The following DPP10 variants were observed in gnomAD, a reference collection of about 807,000 sequenced individuals.
DPP10 encodes the protein inactive dipeptidyl peptidase 10.
DPP10 carries 33 observed loss-of-function variants against 120.9 expected under a neutral mutation model. That is an observed-to-expected ratio of 0.27 (90% CI 0.21 to 0.37). The LOEUF (loss-of-function observed/expected upper bound fraction) is 0.37, where lower values mean the gene tolerates loss of function less well. Among genes scored for constraint, DPP10 ranks in the 10% least tolerant of loss-of-function variants. DPP10 has a pLI of 1.00. For missense variants in DPP10, 816 were observed against 942.8 expected (o/e 0.87, Z 1.76); for synonymous variants, 337 against 326.1 (o/e 1.03, Z -0.36).
rs549816279 is a variant in DPP10 at position 115,032,846 on chromosome 2, T to C, written c.61-276393T>C. 6.0e-5 allele frequency among the ~76,000 whole-genome samples: 9 copies of C among 150,536 alleles called. No homozygotes were observed. The South Asian group carries it at 8.4e-4, about 14-fold the overall frequency. On this transcript the variant is annotated intron_variant, in intron 1 of 25. Coordinates refer to ENST00000410059, the MANE Select transcript of DPP10 (RefSeq NM_020868.6). ...GTTGCAATGAGCTGAGATCGCGCCA[T>C]TGTACTCCAGCCTGGGAGACAGAGC... is the stretch of plus-strand genomic sequence containing the variant.
chr2:115,145,046 A>C (rs1443633165), intron 1 of DPP10: 2 of 152,064 alleles, frequency 1.3e-5, no homozygotes, highest in Admixed American at 6.6e-5. Flanking sequence ...ACAGGAAGAA[A>C]AATTTGCACT....
intron 1 of DPP10, among the ~76,000 whole-genome samples, chr2:115,174,748 C>T (rs2053584695): frequency 6.6e-6 from 1 of 152,140 alleles, no homozygotes; most frequent in Admixed American, 6.5e-5. Context: ...ATTGTGCAAT[C>T]TGGGCCTACA....
At chr2:115,524,770 G>A (rs1332684902) in intron 4 of DPP10, among the ~76,000 whole-genome samples, 1 of 152,072 alleles carries the variant, frequency 6.6e-6, no homozygotes, top group Non-Finnish European at 1.5e-5. Context: ...GCATGAAATC[G>A]AATAAAGTGC....
intron 1 of DPP10, among the ~76,000 whole-genome samples, chr2:115,292,602 C>T (rs1212502441): frequency 1.3e-5 from 2 of 152,074 alleles, no homozygotes; most frequent in Admixed American, 6.6e-5. Context: ...TGCTGCTTGC[C>T]AAATCCTTGC....
chr2:114,842,471 A>G (rs1337394399), intron 1 of DPP10, among the ~76,000 whole-genome samples: 1 of 152,138 alleles, frequency 6.6e-6, no homozygotes. Context: ...AAAGAGACCC[A>G]TCAAGATGCA....
chr2:114,708,166 T>C (rs537305970), intron 1 of DPP10, among the ~76,000 whole-genome samples: 1 of 152,308 alleles, frequency 6.6e-6, no homozygotes, highest in Admixed American at 6.5e-5. Context: ...GAATCCATGC[T>C]GAGTCAGTTC....
At chr2:114,611,800 G>A (rs1693307542) in intron 1 of DPP10, among the ~76,000 whole-genome samples, 1 of 152,126 alleles carries the variant, frequency 6.6e-6, no homozygotes. Flanking sequence ...GTTCATGTCA[G>A]CATTGTATGA....
At chr2:115,268,704 T>A (rs1030424303) in intron 1 of DPP10, among the ~76,000 whole-genome samples, 1 of 152,230 alleles carries the variant, frequency 6.6e-6, no homozygotes, top group Non-Finnish European at 1.5e-5. Flanking sequence ...ATTTCTATGC[T>A]ATGGATATTT....
intron 3 of DPP10, among the ~76,000 whole-genome samples, chr2:115,455,851 A>G (rs1000514903): frequency 2.6e-5 from 4 of 152,174 alleles, no homozygotes; most frequent in African/African-American, 9.7e-5. Context: ...TAAGACTAAA[A>G]ACCATAAAAA....
chr2:115,672,595 CTTGA>C lies in DPP10; in HGVS notation c.442-17084_442-17081del, dbSNP rs571980980. Among the ~76,000 whole-genome samples, 33 of 151,908 alleles carry C rather than the reference CTTGA, an allele frequency of 2.2e-4. No individual in the cohort carries two copies. The East Asian group carries it at 6.2e-3, about 28-fold the overall frequency. On this transcript the variant is annotated intron_variant, in intron 5 of 25. Transcript: ENST00000410059. ...TGTCCCTGATGCTTTCGTTTCCTTC[CTTGA>C]TTGATTGTCATCATGGCGCCCCTTC...
chr2:114,584,103 C>A (rs889541054), intron 1 of DPP10, among the ~76,000 whole-genome samples: 38 of 152,132 alleles, frequency 2.5e-4, no homozygotes, highest in Non-Finnish European at 4.4e-5. Flanking sequence ...TTTCGAAAAG[C>A]ATGAAATTTC....
At chr2:115,062,132 G>C (rs1304500888) in intron 1 of DPP10, among the ~76,000 whole-genome samples, 30 of 20,764 alleles carry the variant, frequency 1.4e-3, no homozygotes, top group African/African-American at 5.2e-3. Flanking sequence ...ACAGTTCTGT[G>C]TGTGTGTGTG....
At chr2:115,629,752 A>C (rs1479842292) in intron 5 of DPP10, among the ~76,000 whole-genome samples, 3 of 152,046 alleles carry the variant, frequency 2.0e-5, no homozygotes, top group Non-Finnish European at 1.5e-5. Context: ...GCTCTGTTCC[A>C]TTGGTCTATA....
At chr2:115,496,925 T>TG (rs1318987491) in intron 3 of DPP10, among the ~76,000 whole-genome samples, 2 of 151,868 alleles carry the variant, frequency 1.3e-5, no homozygotes, top group African/African-American at 2.4e-5. Flanking sequence ...GCTGATTGGT[T>TG]GGGGGGGATG....
intron 1 of DPP10, among the ~76,000 whole-genome samples, chr2:115,116,670 C>T (rs2049522488): frequency 6.6e-6 from 1 of 152,118 alleles, no homozygotes; most frequent in African/African-American, 2.4e-5. Context: ...GATAAGAAAA[C>T]TGAGACTCAG....
At chr2:115,079,055 T>G (rs1021726036) in intron 1 of DPP10, among the ~76,000 whole-genome samples, 12 of 152,082 alleles carry the variant, frequency 7.9e-5, no homozygotes, top group Non-Finnish European at 1.6e-4. Context: ...CACGCTTGAG[T>G]GCCCACTCTA....
intron 1 of DPP10, among the ~76,000 whole-genome samples, chr2:114,889,657 G>GC (rs1215685059): frequency 6.6e-6 from 1 of 151,538 alleles, no homozygotes; most frequent in Non-Finnish European, 1.5e-5. Context: ...TTTAAGGGAA[G>GC]CCCCCCAAAA....
At chr2:114,754,515 C>T (rs1679553065) in intron 1 of DPP10, among the ~76,000 whole-genome samples, 2 of 152,160 alleles carry the variant, frequency 1.3e-5, no homozygotes, top group Admixed American at 1.3e-4. Context: ...ATTTTTCTTT[C>T]TTTAAGTCAA....
chr2:115,136,995 G>A (rs181469178), intron 1 of DPP10, among the ~76,000 whole-genome samples: 1 of 152,274 alleles, frequency 6.6e-6, no homozygotes, highest in East Asian at 1.9e-4. Context: ...ACTAGGTAGA[G>A]TTTGTGGCTA....
Sources: allele counts gnomAD v4.1 joint callset (sites outside exome capture counted in the v4.1 genomes callset), GRCh38; gene constraint gnomAD v4.1.1; transcripts MANE v1.5; gene names NCBI Gene and HGNC (gene_info 2026-07-23, HGNC 2026-07-21).